ADAMTS19: variants seen among roughly 807,000 people sequenced by gnomAD.
ADAMTS19 encodes the protein ADAM metallopeptidase with thrombospondin type 1 motif 19.
A neutral mutation model predicts 153.3 loss-of-function variants in ADAMTS19; 93 were observed. The ratio of observed to expected loss-of-function variants is 0.61; its 90% CI spans 0.51 to 0.72. The LOEUF (loss-of-function observed/expected upper bound fraction) is 0.72, where lower values mean the gene tolerates loss of function less well. Among genes scored for constraint, ADAMTS19 ranks in the 30% least tolerant of loss-of-function variants. The pLI, the probability that ADAMTS19 is intolerant of heterozygous loss-of-function variation, is 0.00. For synonymous variants in ADAMTS19, 600 were observed against 556.6 expected (o/e 1.08, Z -1.10); for missense variants, 1,482 against 1,552.1 (o/e 0.95, Z 0.76).
chr5:129,590,395 C>G (rs1750064121), intron 7 of ADAMTS19, among the ~76,000 whole-genome samples: 1 of 152,126 alleles, frequency 6.6e-6, no homozygotes, highest in Admixed American at 6.5e-5. Flanking sequence ...ATTCAGTCTA[C>G]CATGAAGCTA....
At chr5:129,673,112 A>G (rs1754386864) in intron 16 of ADAMTS19, among the ~76,000 whole-genome samples, 1 of 151,686 alleles carries the variant, frequency 6.6e-6, no homozygotes, top group Admixed American at 6.6e-5. Flanking sequence ...CAGTTATTTG[A>G]TCTTTTCAAA....
chr5:129,544,145 T>C (rs984625659), intron 6 of ADAMTS19, among the ~76,000 whole-genome samples: 11 of 152,184 alleles, frequency 7.2e-5, no homozygotes, highest in African/African-American at 2.7e-4. Context: ...CCCTATCTTA[T>C]ACTCATGGCT....
At chr5:129,622,721 T>G (rs1751836926) in intron 10 of ADAMTS19, among the ~76,000 whole-genome samples, 1 of 152,106 alleles carries the variant, frequency 6.6e-6, no homozygotes, top group African/African-American at 2.4e-5. Context: ...ATACCAAAAC[T>G]CCCAGCTGCT....
At chr5:129,628,077 T>C (rs1243451005) in intron 10 of ADAMTS19, among the ~76,000 whole-genome samples, 1 of 152,032 alleles carries the variant, frequency 6.6e-6, no homozygotes, top group Non-Finnish European at 1.5e-5. Flanking sequence ...ACAGTTTGGA[T>C]AAAGAAAATG....
intron 2 of ADAMTS19, among the ~76,000 whole-genome samples, chr5:129,497,990 A>G (rs192011383): frequency 6.3e-4 from 96 of 152,128 alleles, no homozygotes; most frequent in African/African-American, 2.3e-3. Flanking sequence ...TTACACTTCA[A>G]ATAAAATCTA....
chr5:129,661,447 A>G (rs17839591), intron 15 of ADAMTS19, among the ~76,000 whole-genome samples: 5,561 of 152,248 alleles, frequency 0.037, 315 homozygotes, highest in African/African-American at 0.13. Flanking sequence ...AGACAATTTT[A>G]TCCCTACAGT....
intron 21 of ADAMTS19, among the ~76,000 whole-genome samples, chr5:129,730,488 GA>G (rs1404380791): frequency 2.6e-5 from 4 of 152,024 alleles, no homozygotes; most frequent in African/African-American, 9.7e-5. Flanking sequence ...TGTCATAACA[GA>G]AATATAGGCT....
intron 8 of ADAMTS19, among the ~76,000 whole-genome samples, chr5:129,607,894 T>C (rs1007223263): frequency 6.6e-6 from 1 of 151,154 alleles, no homozygotes; most frequent in African/African-American, 2.4e-5. Flanking sequence ...TGTTAACAGA[T>C]GAATGTATAA....
At chr5:129,720,949 T>G (rs1756979495) in intron 21 of ADAMTS19, among the ~76,000 whole-genome samples, 2 of 152,202 alleles carry the variant, frequency 1.3e-5, no homozygotes, top group Admixed American at 1.3e-4. Flanking sequence ...GAATTTTCAG[T>G]GACAGAAAGA....
chr5:129,502,544 G>T (rs1019628654), intron 2 of ADAMTS19, among the ~76,000 whole-genome samples: 2 of 152,162 alleles, frequency 1.3e-5, no homozygotes, highest in Non-Finnish European at 2.9e-5. Flanking sequence ...GGAGTTTTAT[G>T]ATTCTCTTTG....
chr5:129,590,823 A>AT (rs1324728099), intron 7 of ADAMTS19, among the ~76,000 whole-genome samples: 1 of 152,088 alleles, frequency 6.6e-6, no homozygotes, highest in Non-Finnish European at 1.5e-5. Flanking sequence ...ATCATTCCAT[A>AT]TTTTTTTCTC....
intron 8 of ADAMTS19, among the ~76,000 whole-genome samples, chr5:129,618,583 A>G (rs904561420): frequency 6.6e-6 from 1 of 151,964 alleles, no homozygotes; most frequent in Non-Finnish European, 1.5e-5. Flanking sequence ...ATAGTTTGGT[A>G]GTTTTTAAAA....
At chr5:129,595,100 T>C (rs528335511) in intron 7 of ADAMTS19, among the ~76,000 whole-genome samples, 330 of 152,324 alleles carry the variant, frequency 2.2e-3, no homozygotes, top group African/African-American at 7.6e-3. Context: ...CTAAAAATAA[T>C]ATGTTCATTC....
intron 19 of ADAMTS19, among the ~76,000 whole-genome samples, chr5:129,696,761 T>C (rs1011360581): frequency 3.9e-5 from 6 of 152,160 alleles, no homozygotes; most frequent in Non-Finnish European, 5.9e-5. Context: ...GACTTTCTGA[T>C]TGGCTATTGG....
chr5:129,462,687 T>G (rs1375941855), intron 2 of ADAMTS19, among the ~76,000 whole-genome samples: 1 of 152,214 alleles, frequency 6.6e-6, no homozygotes, highest in African/African-American at 2.4e-5. Flanking sequence ...TACGTGGCAT[T>G]AAGTACATTC....
intron 8 of ADAMTS19, among the ~76,000 whole-genome samples, chr5:129,604,700 CAG>C (rs1381096028): frequency 2.0e-5 from 3 of 152,138 alleles, no homozygotes; most frequent in African/African-American, 4.8e-5. Flanking sequence ...TGATTCAAAA[CAG>C]ATGCTGTATG....
At chr5:129,556,058 A>C (rs1356920066) in intron 7 of ADAMTS19, among the ~76,000 whole-genome samples, 2 of 152,176 alleles carry the variant, frequency 1.3e-5, no homozygotes, top group African/African-American at 4.8e-5. Flanking sequence ...TTATTTACTA[A>C]GCTTATATTT....
intron 10 of ADAMTS19, among the ~76,000 whole-genome samples, chr5:129,630,229 C>T (rs1752227845): frequency 6.6e-6 from 1 of 151,960 alleles, no homozygotes; most frequent in East Asian, 1.9e-4. Context: ...TTGCACCAAC[C>T]TAATATTATG....
chr5:129,653,065 T>G (rs1171484682), intron 13 of ADAMTS19, among the ~76,000 whole-genome samples: 3 of 152,198 alleles, frequency 2.0e-5, no homozygotes, highest in Non-Finnish European at 2.9e-5. Flanking sequence ...GAAAACTGTT[T>G]GAAATGTTCA....
Sources: gnomAD v4.1 joint callset for allele counts (sites outside exome capture counted in the v4.1 genomes callset) on GRCh38, gnomAD v4.1.1 for gene constraint, MANE v1.5 for transcripts, NCBI Gene and HGNC (gene_info 2026-07-23, HGNC 2026-07-21) for gene names.